The following TNR variants were observed in gnomAD, a reference collection of about 807,000 sequenced individuals.
The protein encoded by TNR is tenascin-R.
TNR carries 45 observed loss-of-function variants against 150.4 expected under a neutral mutation model. The ratio of observed to expected loss-of-function variants is 0.30; its 90% CI spans 0.24 to 0.38. TNR has a LOEUF of 0.38. Ranked by LOEUF, TNR falls within the 10% of genes least tolerant of loss-of-function variation. TNR has a pLI of 1.00. For missense variants in TNR, 1,544 were observed against 1,759.1 expected (o/e 0.88, Z 2.19); for synonymous variants, 687 against 678.4 (o/e 1.01, Z -0.20).
intron 2 of TNR, among the ~76,000 whole-genome samples, chr1:175,408,328 A>C (rs1437086606): frequency 6.6e-6 from 1 of 152,248 alleles, no homozygotes; most frequent in Non-Finnish European, 1.5e-5. Flanking sequence ...GCAAAAGGTT[A>C]AATCATTCTC....
intron 1 of TNR, among the ~76,000 whole-genome samples, chr1:175,585,660 T>C (rs1459733079): frequency 6.6e-6 from 1 of 152,192 alleles, no homozygotes; most frequent in East Asian, 1.9e-4. Flanking sequence ...TAATATCCTA[T>C]CCAGATAGGA....
chr1:175,380,961 T>C (rs1652646874), intron 8 of TNR, among the ~76,000 whole-genome samples: 1 of 152,202 alleles, frequency 6.6e-6, no homozygotes, highest in Non-Finnish European at 1.5e-5. Flanking sequence ...ATGCCGTGAA[T>C]CAATGTGAGC....
intron 1 of TNR, among the ~76,000 whole-genome samples, chr1:175,663,744 A>AGCCAG (rs1471326447): frequency 1.3e-5 from 2 of 152,258 alleles, no homozygotes; most frequent in African/African-American, 4.8e-5. Flanking sequence ...AGAAGAGAAC[A>AGCCAG]GCCAGGACGG....
intron 2 of TNR, among the ~76,000 whole-genome samples, chr1:175,462,029 T>C (rs1488585837): frequency 2.0e-5 from 3 of 152,148 alleles, no homozygotes; most frequent in Non-Finnish European, 2.9e-5. Flanking sequence ...TAATGTAGAG[T>C]TGTTTTGAGA....
At position 175,355,557 on chromosome 1, in the gene TNR, C is replaced by T. The variant is rs1651285401; in HGVS notation, c.3195G>A (p.Arg1065=). The T allele has an allele frequency of 1.9e-6, 3 of 1,614,082 alleles. No homozygotes were observed. Among genetic ancestry groups the T allele is most frequent in the Non-Finnish European group, 2.5e-6 (3 of 1,179,950 alleles). Residue 1065 remains arginine, a synonymous_variant, in exon 17 of 23, where the codon AGG becomes AGA. Coordinates refer to ENST00000367674, the MANE Select transcript of TNR (RefSeq NM_003285.3). ...TCAAGACATAATTTTCAATCTCTGC[C>T]CTGGGAGGCTGCCAGGAGATCAGGG... The part of the protein sequence containing the change: ...QSALISWQPP[R]AEIENYVLTY...
intron 3 of TNR, among the ~76,000 whole-genome samples, chr1:175,403,941 G>A (rs1402147775): frequency 6.6e-6 from 1 of 152,134 alleles, no homozygotes; most frequent in South Asian, 2.1e-4. Flanking sequence ...TTATTGGAAG[G>A]TGTTCCCAGA....
Position 175,324,347 on chromosome 1 carries a change from A to T in TNR, c.3957+9T>A. On this transcript the variant is annotated intron_variant, in intron 22 of 22. Coordinates refer to ENST00000367674, the MANE Select transcript of TNR (RefSeq NM_003285.3). The stretch of plus-strand genomic sequence containing the variant: ...GGCTCATTCATAGCAGAGGTGGAGC[A>T]TCGCTTACCTGACTGTGCCTGGACT... 1 of 1,611,814 alleles carries T rather than the reference A, an allele frequency of 6.2e-7. No individual in the cohort carries two copies. The highest frequency in any genetic ancestry group is 1.1e-5 in the South Asian group (1 of 90,716).
At chr1:175,458,420 G>T (rs1047201706) in intron 2 of TNR, among the ~76,000 whole-genome samples, 2 of 152,176 alleles carry the variant, frequency 1.3e-5, no homozygotes, top group Admixed American at 6.5e-5. Context: ...CTTACAATCT[G>T]GTTGGGGAGG....
chr1:175,607,202 A>G (rs920843668), intron 1 of TNR, among the ~76,000 whole-genome samples: 14 of 152,140 alleles, frequency 9.2e-5, no homozygotes, highest in African/African-American at 3.4e-4. Flanking sequence ...CCAATGGTGG[A>G]CAATTGTTGA....
At position 175,650,822 on chromosome 1, in the gene TNR, CCTT is replaced by C. The variant is rs1664948098; in HGVS notation, c.-165+92401_-165+92403del. On this transcript the variant is annotated intron_variant, in intron 1 of 22. Coordinates refer to ENST00000367674, the MANE Select transcript of TNR (RefSeq NM_003285.3). ...TCTCATTACTACCTGTCCCCCACCT[CCTT>C]ACTACCCCTCCCCCACCTCATTACT... 2.8e-4 allele frequency among the ~76,000 whole-genome samples: 19 copies of C among 67,340 alleles called. 1 individual carries two copies. The highest frequency in any genetic ancestry group is 8.6e-3 in the Middle Eastern group (1 of 116). 44.2% of individuals were successfully genotyped at this position (67,340 alleles called of 152,430 possible).
intron 9 of TNR, among the ~76,000 whole-genome samples, chr1:175,376,124 G>A (rs1367528127): frequency 2.6e-5 from 4 of 151,954 alleles, no homozygotes; most frequent in Non-Finnish European, 5.9e-5. Flanking sequence ...CGGGGGAAGA[G>A]GCCTCCAACA....
intron 2 of TNR, among the ~76,000 whole-genome samples, chr1:175,472,970 C>G (rs1361453059): frequency 6.6e-6 from 1 of 152,096 alleles, no homozygotes; most frequent in Non-Finnish European, 1.5e-5. Flanking sequence ...AAGATGGGGT[C>G]TAAGAATAGA....
intron 2 of TNR, among the ~76,000 whole-genome samples, chr1:175,430,628 T>A (rs1655221139): frequency 6.6e-6 from 1 of 152,188 alleles, no homozygotes; most frequent in Non-Finnish European, 1.5e-5. Context: ...GAGCTGAGAT[T>A]AGAATGTAGG....
At chr1:175,636,840 T>C (rs888005671) in intron 1 of TNR, among the ~76,000 whole-genome samples, 1 of 152,190 alleles carries the variant, frequency 6.6e-6, no homozygotes, top group African/African-American at 2.4e-5. Flanking sequence ...GGCAAGAGTC[T>C]TGAAAAAAGA....
At chr1:175,422,438 A>G (rs1231700389) in intron 2 of TNR, among the ~76,000 whole-genome samples, 1 of 152,200 alleles carries the variant, frequency 6.6e-6, no homozygotes, top group Non-Finnish European at 1.5e-5. Flanking sequence ...GGTGTCCTGC[A>G]TATTTCCACA....
chr1:175,525,322 A>T (rs1299520057), intron 2 of TNR, among the ~76,000 whole-genome samples: 2 of 152,156 alleles, frequency 1.3e-5, no homozygotes, highest in African/African-American at 4.8e-5. Context: ...GCAGTTCTTT[A>T]CAGAAGTGTG....
At chr1:175,469,874 C>T (rs1359590680) in intron 2 of TNR, among the ~76,000 whole-genome samples, 1 of 151,920 alleles carries the variant, frequency 6.6e-6, no homozygotes, top group East Asian at 1.9e-4. Context: ...GAGACTACTG[C>T]AATGGTCCAA....
chr1:175,485,333 G>T (rs1377966888), intron 2 of TNR, among the ~76,000 whole-genome samples: 7 of 152,108 alleles, frequency 4.6e-5, no homozygotes, highest in Admixed American at 4.6e-4. Flanking sequence ...GGACAAAGAC[G>T]TAAGTAGCAA....
At chr1:175,670,049 C>T (rs1665648194) in intron 1 of TNR, among the ~76,000 whole-genome samples, 1 of 152,208 alleles carries the variant, frequency 6.6e-6, no homozygotes, top group South Asian at 2.1e-4. Context: ...AGCATGGCCT[C>T]TCCCTTTATC....
Sources: gnomAD v4.1 joint callset for allele counts (sites outside exome capture counted in the v4.1 genomes callset) on GRCh38, gnomAD v4.1.1 for gene constraint, MANE v1.5 for transcripts, NCBI Gene and HGNC (gene_info 2026-07-23, HGNC 2026-07-21) for gene names.